Variants in SEMA6D observed in about 807,000 individuals in gnomAD.
SEMA6D encodes semaphorin 6D.
SEMA6D carries 35 observed loss-of-function variants against 106.6 expected under a neutral mutation model. The ratio of observed to expected loss-of-function variants is 0.33; its 90% CI spans 0.25 to 0.44. The LOEUF is 0.44. Ranked by LOEUF, SEMA6D falls within the 20% of genes least tolerant of loss-of-function variation. SEMA6D has a pLI of 1.00. For synonymous variants in SEMA6D, 499 were observed against 487.7 expected (o/e 1.02, Z -0.31); for missense variants, 1,185 against 1,345.9 (o/e 0.88, Z 1.87).
At chr15:47,671,263 A>C (rs2078131355) in intron 4 of SEMA6D, among the ~76,000 whole-genome samples, 1 of 152,218 alleles carries the variant, frequency 6.6e-6, no homozygotes, top group South Asian at 2.1e-4. Context: ...TAGGGTTTCC[A>C]AGAGAGCTGT....
intron 1 of SEMA6D, among the ~76,000 whole-genome samples, chr15:47,251,918 T>TGAGTGTTGCGA (rs1227007057): frequency 7.4e-6 from 1 of 134,286 alleles, no homozygotes; most frequent in Non-Finnish European, 1.6e-5. Flanking sequence ...TTTTTTTTTT[T>TGAGTGTTGCGA]TTTTTTTTTT....
intron 1 of SEMA6D, among the ~76,000 whole-genome samples, chr15:47,291,263 A>C (rs2035581755): frequency 6.6e-6 from 1 of 152,204 alleles, no homozygotes; most frequent in South Asian, 2.1e-4. Flanking sequence ...TAAGATTACT[A>C]AACATGAATT....
chr15:47,285,662 C>T (rs565734811), intron 1 of SEMA6D, among the ~76,000 whole-genome samples: 35 of 152,162 alleles, frequency 2.3e-4, no homozygotes, highest in African/African-American at 8.2e-4. Flanking sequence ...GGGTAGACAA[C>T]GAGAAGAACT....
intron 1 of SEMA6D, among the ~76,000 whole-genome samples, chr15:47,344,927 T>C (rs1263473708): frequency 6.6e-6 from 1 of 152,134 alleles, no homozygotes; most frequent in Non-Finnish European, 1.5e-5. Flanking sequence ...ATTTGGAAAT[T>C]GATATAAAAA....
intron 4 of SEMA6D, among the ~76,000 whole-genome samples, chr15:47,645,511 T>C (rs992950974): frequency 7.9e-5 from 12 of 151,914 alleles, no homozygotes; most frequent in East Asian, 3.9e-4. Context: ...GAGTTTTTTT[T>C]TTCTTCTTCT....
At chr15:47,264,341 G>GTTT (rs138062604) in intron 1 of SEMA6D, among the ~76,000 whole-genome samples, 4 of 148,742 alleles carry the variant, frequency 2.7e-5, no homozygotes, top group African/African-American at 7.4e-5. Context: ...AATTTAAAAG[G>GTTT]TTTTTTTTTT....
At chr15:47,323,985 CAAA>C (rs11299568) in intron 1 of SEMA6D, among the ~76,000 whole-genome samples, 8 of 143,106 alleles carry the variant, frequency 5.6e-5, no homozygotes, top group Admixed American at 6.9e-5. Context: ...ATACAAGTGG[CAAA>C]AAAAAAAAAA....
In SEMA6D at chr15:47,474,564, G is replaced by A. The variant is rs557235039; in HGVS notation, c.-87+4019G>A. 3.9e-5 allele frequency among the ~76,000 whole-genome samples: 6 copies of A among 152,258 alleles called. No individual in the cohort carries two copies. In the East Asian group the frequency reaches 7.7e-4, roughly 20 times the overall value. On this transcript the variant is annotated intron_variant, in intron 3 of 19. Coordinates refer to the SEMA6D transcript ENST00000558014. Reference sequence around the variant, plus strand: ...AATATGATTCTTCTCAAAGCGTCTTGTGTGACTTCAATGAAATACTCATAT... The same window carrying A: ...AATATGATTCTTCTCAAAGCGTCTTATGTGACTTCAATGAAATACTCATAT...
chr15:47,613,715 G>A (rs1033364143), intron 4 of SEMA6D, among the ~76,000 whole-genome samples: 5 of 151,882 alleles, frequency 3.3e-5, no homozygotes, highest in South Asian at 4.2e-4. Context: ...GTGTGGTGGC[G>A]CGATCTCAGC....
chr15:47,234,974 A>G (rs991482974), intron 1 of SEMA6D, among the ~76,000 whole-genome samples: 2 of 152,100 alleles, frequency 1.3e-5, no homozygotes, highest in Non-Finnish European at 2.9e-5. Context: ...AGCAGTGTAT[A>G]AGTGTTCCCT....
chr15:47,655,311 C>T (rs956752736), intron 4 of SEMA6D, among the ~76,000 whole-genome samples: 2 of 152,156 alleles, frequency 1.3e-5, no homozygotes, highest in Admixed American at 1.3e-4. Context: ...CAGCTTTGGA[C>T]ATTTATGTGT....
At chr15:47,565,395 C>T (rs1263712993) in intron 3 of SEMA6D, among the ~76,000 whole-genome samples, 1 of 152,080 alleles carries the variant, frequency 6.6e-6, no homozygotes, top group Non-Finnish European at 1.5e-5. Context: ...GGTTCCAGCA[C>T]TCATGTACTC....
intron 1 of SEMA6D, among the ~76,000 whole-genome samples, chr15:47,266,111 A>G (rs1479409087): frequency 6.6e-6 from 1 of 152,136 alleles, no homozygotes; most frequent in Non-Finnish European, 1.5e-5. Context: ...TGATCCCAGC[A>G]GGGCTCTTCC....
chr15:47,529,575 C>T (rs1206525764), intron 3 of SEMA6D, among the ~76,000 whole-genome samples: 2 of 143,006 alleles, frequency 1.4e-5, no homozygotes, highest in Admixed American at 1.5e-4. Flanking sequence ...GGATGTTTCT[C>T]CATTTTAGCT....
At chr15:47,460,805 G>A (rs1321372227) in intron 2 of SEMA6D, among the ~76,000 whole-genome samples, 1 of 152,076 alleles carries the variant, frequency 6.6e-6, no homozygotes, top group African/African-American at 2.4e-5. Context: ...TTGCTTATAA[G>A]TAACTGAGAT....
At chr15:47,345,416 T>C (rs1464092335) in intron 1 of SEMA6D, among the ~76,000 whole-genome samples, 1 of 152,148 alleles carries the variant, frequency 6.6e-6, no homozygotes, top group Non-Finnish European at 1.5e-5. Flanking sequence ...GTATGGACAC[T>C]TGATTTCCAA....
intron 2 of SEMA6D, among the ~76,000 whole-genome samples, chr15:47,445,230 C>A (rs1044388575): frequency 2.0e-5 from 3 of 151,968 alleles, no homozygotes; most frequent in African/African-American, 7.2e-5. Flanking sequence ...AAAAAGACAA[C>A]TTTTGGGTGA....
intron 1 of SEMA6D, among the ~76,000 whole-genome samples, chr15:47,233,938 A>G (rs1481752465): frequency 6.6e-6 from 1 of 151,940 alleles, no homozygotes; most frequent in African/African-American, 2.4e-5. Flanking sequence ...ATTAGCTAGG[A>G]ACTCCAATAC....
At chr15:47,207,566 T>TA (rs1329716523) in intron 1 of SEMA6D, among the ~76,000 whole-genome samples, 1 of 152,164 alleles carries the variant, frequency 6.6e-6, no homozygotes, top group African/African-American at 2.4e-5. Context: ...CAAGTCTAAG[T>TA]AGTGCTTTGT....
Sources: allele counts gnomAD v4.1 joint callset (sites outside exome capture counted in the v4.1 genomes callset), GRCh38; gene constraint gnomAD v4.1.1; transcripts MANE v1.5; gene names NCBI Gene and HGNC (gene_info 2026-07-23, HGNC 2026-07-21).